PGM2L1: variants seen among roughly 807,000 people sequenced by gnomAD.
PGM2L1 encodes glucose 1,6-bisphosphate synthase.
In PGM2L1, 35 loss-of-function variants were observed where a neutral mutation model predicts 73.4. The ratio of observed to expected loss-of-function variants is 0.48; its 90% CI spans 0.36 to 0.63. The LOEUF is 0.63. PGM2L1 is among the 30% of genes least tolerant of loss of function. PGM2L1 has a pLI of 0.00. For synonymous variants in PGM2L1, 225 were observed against 253.8 expected (o/e 0.89, Z 1.08); for missense variants, 570 against 742.0 (o/e 0.77, Z 2.69).
At chr11:74,376,588 T>G (rs188924360) in intron 1 of PGM2L1, among the ~76,000 whole-genome samples, 132 of 151,762 alleles carry the variant, frequency 8.7e-4, no homozygotes, top group African/African-American at 2.8e-3. Flanking sequence ...ATACACATTA[T>G]GCATATATGT....
chr11:74,388,547 GA>G (rs1192828889), intron 1 of PGM2L1, among the ~76,000 whole-genome samples: 1 of 151,972 alleles, frequency 6.6e-6, no homozygotes, highest in African/African-American at 2.4e-5. Flanking sequence ...AAAATGACGT[GA>G]AAAAATTCTG....
At chr11:74,376,547 G>GTA (rs906820474) in intron 1 of PGM2L1, among the ~76,000 whole-genome samples, 2 of 150,940 alleles carry the variant, frequency 1.3e-5, no homozygotes, top group Non-Finnish European at 1.5e-5. Context: ...TATGTAGTAT[G>GTA]TATATATATC....
intron 5 of PGM2L1, chr11:74,355,637 G>A: frequency 4.3e-6 from 2 of 468,418 alleles, no homozygotes; most frequent in African/African-American, 2.0e-5. Flanking sequence ...CTATGGTGGT[G>A]GAGGCCAATA....
intron 9 of PGM2L1, 122 bp from the exon 10 acceptor site, chr11:74,343,538 C>G: frequency 7.1e-7 from 1 of 1,398,670 alleles, no homozygotes. Context: ...CTTCAGTCCA[C>G]AAAGATTTAT....
At chr11:74,369,103 A>G (rs1862709803) in intron 4 of PGM2L1, among the ~76,000 whole-genome samples, 2 of 152,296 alleles carry the variant, frequency 1.3e-5, no homozygotes, top group African/African-American at 4.8e-5. Context: ...CTAACTCTTC[A>G]GTCCACACAT....
chr11:74,349,019 T>G (rs1409178308), intron 6 of PGM2L1, among the ~76,000 whole-genome samples: 5 of 152,198 alleles, frequency 3.3e-5, no homozygotes, highest in Admixed American at 3.3e-4. Flanking sequence ...CATCAACATT[T>G]CACCTATGGG....
chr11:74,390,294 A>C (rs1189946374), intron 1 of PGM2L1, among the ~76,000 whole-genome samples: 1 of 152,188 alleles, frequency 6.6e-6, no homozygotes, highest in Non-Finnish European at 1.5e-5. Context: ...CTTTTCAAAT[A>C]TATCTATGGA....
rs1252911533 is a variant in PGM2L1 at position 74,342,650 on chromosome 11, T to C, written c.1443A>G (p.Lys481=). 1.3e-5 allele frequency: 21 copies of C among 1,557,286 alleles called. No homozygotes were observed. Among genetic ancestry groups the C allele is most frequent in the Non-Finnish European group, 1.7e-5 (19 of 1,151,216 alleles). Residue 481 remains lysine, a splice_region_variant and synonymous_variant, in exon 12 of 14, where the codon AAA becomes AAG. Coordinates refer to ENST00000298198, the MANE Select transcript of PGM2L1 (RefSeq NM_173582.6). ...LKQQLVKVYE[K]YGYHISKTSY... is the part of the protein sequence containing the mutation. ...AAGTTTTTGAAATATGATAACCATA[T>C]CTGTGCAAAGATTCAAAGTGCTAAA...
chr11:74,370,976 G>A lies in PGM2L1; in HGVS notation c.397C>T (p.Leu133Phe). The A allele has an allele frequency of 6.2e-7, 1 of 1,612,616 alleles. No individual in the cohort carries two copies. Among genetic ancestry groups the A allele is most frequent in the Non-Finnish European group, 8.5e-7 (1 of 1,178,998 alleles). The change falls in exon 4 of 14, where the codon CTC (leucine) becomes TTC (phenylalanine). Residue 133 changes from leucine to phenylalanine, a missense_variant. Transcript: ENST00000298198. ...TTGGCCAGCAAGACTGCAGCAGTGAGTTTAGCAAGCCTAAAAAAAGAGAGA... is the reference window on the plus strand; with the variant it reads ...TTGGCCAGCAAGACTGCAGCAGTGAATTTAGCAAGCCTAAAAAAAGAGAGA... ...SSCSSQRLAK[L>F]TAAVLLAKDV...
At chr11:74,342,736 A>G (rs1438575860) in intron 11 of PGM2L1, 86 bp from the exon 12 acceptor site, 2 of 1,377,590 alleles carry the variant, frequency 1.5e-6, no homozygotes, top group Non-Finnish European at 2.0e-6. Context: ...CTACTATGGT[A>G]TTTTATACAA....
rs1231819908 is a variant in PGM2L1 at position 74,374,467 on chromosome 11, A to G, written c.227T>C (p.Met76Thr). 1.9e-6 allele frequency: 3 copies of G among 1,614,116 alleles called. No homozygotes were observed. Among genetic ancestry groups the G allele is most frequent in the Non-Finnish European group, 2.5e-6 (3 of 1,179,944 alleles). ...TFGTAGLRSA[M>T]GAGFCYINDL... ...ATTAATATAGCAAAACCCTGCCCCC[A>G]TGGCAGAACGAAGTCCTGCAGTCCC... The change falls in exon 2 of 14, where the codon ATG becomes ACG. Residue 76 changes from methionine to threonine, a missense_variant. Physicochemically the swap from Met to Thr is moderately conservative, Grantham distance 81 (BLOSUM62 -1). Coordinates refer to ENST00000298198, the MANE Select transcript of PGM2L1 (RefSeq NM_173582.6).
intron 12 of PGM2L1, among the ~76,000 whole-genome samples, chr11:74,339,098 C>T (rs1359009318): frequency 1.3e-5 from 2 of 152,166 alleles, no homozygotes; most frequent in African/African-American, 4.8e-5. Flanking sequence ...CGCCATTTTA[C>T]AGACGAGGCT....
chr11:74,342,373 C>G, intron 12 of PGM2L1, 88 bp downstream of exon 12: 1 of 1,028,936 alleles, frequency 9.7e-7, no homozygotes, highest in Middle Eastern at 2.5e-4. Context: ...GATTGAATCT[C>G]ATGTGAAATC....
intron 5 of PGM2L1, among the ~76,000 whole-genome samples, chr11:74,357,419 GA>G (rs1200751296): frequency 3.3e-5 from 5 of 152,186 alleles, no homozygotes; most frequent in Non-Finnish European, 7.3e-5. Flanking sequence ...AGAAGTGTAT[GA>G]AAAGATGCTT....
intron 1 of PGM2L1, among the ~76,000 whole-genome samples, chr11:74,385,264 A>G (rs993667033): frequency 1.3e-5 from 2 of 152,186 alleles, no homozygotes; most frequent in African/African-American, 4.8e-5. Flanking sequence ...CTTAACTTAC[A>G]TGTACTCCAC....
At position 74,398,326 on chromosome 11, in the gene PGM2L1, A is replaced by C; in HGVS notation, c.-165T>G. On this transcript the variant is annotated 5_prime_UTR_variant, in exon 1 of 14. Coordinates refer to ENST00000298198, the MANE Select transcript of PGM2L1 (RefSeq NM_173582.6). ...ACAGCTCCTGCCGCGGCGTCAGGGAACCGGGAGAGAGGGGGTTTATGGCCG... is the reference window on the plus strand; with the variant it reads ...ACAGCTCCTGCCGCGGCGTCAGGGACCCGGGAGAGAGGGGGTTTATGGCCG... The C allele has an allele frequency of 8.9e-7, 1 of 1,127,266 alleles. No homozygotes were observed. The highest frequency in any genetic ancestry group is 1.2e-6 in the Non-Finnish European group (1 of 853,554). The allele number at this position is 1,127,266 out of a possible 1,614,324, so 69.8% of individuals were successfully genotyped here.
intron 6 of PGM2L1, among the ~76,000 whole-genome samples, chr11:74,349,579 G>T (rs1342605232): frequency 6.6e-6 from 1 of 152,134 alleles, no homozygotes; most frequent in African/African-American, 2.4e-5. Flanking sequence ...TTTCTCCAAT[G>T]AGCCCTGGTT....
At chr11:74,349,942 C>T (rs1239462359) in intron 6 of PGM2L1, among the ~76,000 whole-genome samples, 3 of 152,070 alleles carry the variant, frequency 2.0e-5, no homozygotes, top group African/African-American at 4.8e-5. Context: ...ATCCTTAGGA[C>T]ATATCCCACT....
intron 1 of PGM2L1, 123 bp downstream of exon 1, chr11:74,397,928 G>A: frequency 2.2e-6 from 3 of 1,372,574 alleles, no homozygotes; most frequent in East Asian, 2.8e-5. Context: ...GCCCTGCTCC[G>A]CTGCCCCCCG....
Sources: allele counts gnomAD v4.1 joint callset (sites outside exome capture counted in the v4.1 genomes callset), GRCh38; gene constraint gnomAD v4.1.1; transcripts MANE v1.5; gene names NCBI Gene and HGNC (gene_info 2026-07-23, HGNC 2026-07-21).